The following ADGRE2 variants were observed in gnomAD, a reference collection of about 807,000 sequenced individuals.
ADGRE2 encodes adhesion G protein-coupled receptor E2, also known as CD97 antigen.
Under a neutral mutation model 100.8 loss-of-function variants are expected in ADGRE2, and 83 were observed. That is an observed-to-expected ratio of 0.82 (90% CI 0.69 to 0.99). The LOEUF is 0.99. ADGRE2 is among the 50% of genes least tolerant of loss of function. ADGRE2 has a pLI of 0.00. For missense variants in ADGRE2, 814 were observed against 1,035.7 expected (o/e 0.79, Z 2.94); for synonymous variants, 355 against 413.0 (o/e 0.86, Z 1.70).
At chr19:14,755,608 C>G in intron 13 of ADGRE2, 46 bp downstream of exon 13, 1 of 1,547,606 alleles carries the variant, frequency 6.5e-7, no homozygotes, top group East Asian at 2.2e-5. Context: ...AAGGCTATGC[C>G]CGGACTCAGA....
At position 14,758,512 on chromosome 19, in the gene ADGRE2, G is replaced by T. The variant is rs2043578807; in HGVS notation, c.1085-2167C>A. Among the ~76,000 whole-genome samples the T allele has an allele frequency of 2.0e-5, 3 of 152,312 alleles. 1 individual carries two copies. In the Middle Eastern group the frequency reaches 0.01, roughly 518 times the overall value. ...GTGGTGTAAATACCCAAGTTTCACT[G>T]TTTCACACCAGGGAAATTGAGGATG... is the stretch of plus-strand genomic sequence containing the variant. On this transcript the variant is annotated intron_variant, in intron 11 of 20. Coordinates refer to ENST00000315576, the MANE Select transcript of ADGRE2 (RefSeq NM_013447.4).
chr19:14,771,273 C>T (rs1054052944), intron 5 of ADGRE2, among the ~76,000 whole-genome samples: 1 of 152,168 alleles, frequency 6.6e-6, no homozygotes, highest in Non-Finnish European at 1.5e-5. Flanking sequence ...CCCTGGGACC[C>T]TTGGCTCAGC....
chr19:14,752,081 G>A (rs2043314108), intron 15 of ADGRE2, among the ~76,000 whole-genome samples: 1 of 151,742 alleles, frequency 6.6e-6, no homozygotes, highest in African/African-American at 2.4e-5. Flanking sequence ...TTACAGGTAT[G>A]CGCCACCATG....
intron 4 of ADGRE2, among the ~76,000 whole-genome samples, chr19:14,773,080 C>CCAAAA (rs1249410615): frequency 2.2e-5 from 1 of 45,846 alleles, no homozygotes; most frequent in African/African-American, 1.0e-4. Context: ...GACTCCATCT[C>CCAAAA]AAAAAAAAAA....
the ADGRE2 span, among the ~76,000 whole-genome samples, chr19:14,727,380 AC>A: frequency 6.6e-6 from 1 of 152,168 alleles, no homozygotes; most frequent in African/African-American, 2.4e-5. Context: ...CAAACATGGT[AC>A]CAACATCTGC....
At chr19:14,762,624 T>TTGTTA (rs1421774904) in intron 11 of ADGRE2, among the ~76,000 whole-genome samples, 1 of 35,486 alleles carries the variant, frequency 2.8e-5, no homozygotes, top group Non-Finnish European at 5.0e-5. Context: ...TTAAAATTTT[T>TTGTTA]TCTTATTTTT....
At chr19:14,777,154 G>C (rs1371106847) in intron 1 of ADGRE2, 1 of 954,128 alleles carries the variant, frequency 1.0e-6, no homozygotes, top group Non-Finnish European at 1.2e-6. Context: ...TGTGGCAGCC[G>C]GGCGGGGCGG....
chr19:14,743,374 A>G (rs1442017744), intron 20 of ADGRE2, 46 bp downstream of exon 20: 2 of 1,483,504 alleles, frequency 1.3e-6, no homozygotes, highest in African/African-American at 2.8e-5. Context: ...CATGCTCCTC[A>G]GGTGGGTCGG....
At chr19:14,743,915 A>G in intron 18 of ADGRE2, 131 bp from the exon 19 acceptor site, 1 of 858,484 alleles carries the variant, frequency 1.2e-6, no homozygotes, top group Non-Finnish European at 1.8e-6. Flanking sequence ...GTCAGCTTAG[A>G]TATTTACTGT....
chr19:14,730,887 C>T (rs1262474751), downstream of ADGRE2, among the ~76,000 whole-genome samples: 1 of 151,888 alleles, frequency 6.6e-6, no homozygotes, highest in Non-Finnish European at 1.5e-5. Context: ...TTAGCTCTCT[C>T]TTACAGGTGA....
the ADGRE2 span, among the ~76,000 whole-genome samples, chr19:14,724,240 A>T: frequency 1.3e-5 from 2 of 152,204 alleles, no homozygotes; most frequent in Non-Finnish European, 2.9e-5. Context: ...GAATGAGAAG[A>T]GCTAGGTCTG....
chr19:14,753,336 G>T (rs948791736), intron 14 of ADGRE2, among the ~76,000 whole-genome samples: 1 of 152,072 alleles, frequency 6.6e-6, no homozygotes, highest in Non-Finnish European at 1.5e-5. Flanking sequence ...TTACAGGCTG[G>T]GGTAATTACA....
rs2043105908 is a variant in ADGRE2 at position 14,746,775 on chromosome 19, G to T, written c.2091+121C>A. 2.5e-5 allele frequency: 22 copies of T among 865,172 alleles called. No homozygotes were observed. The East Asian group carries it at 5.8e-4, about 23-fold the overall frequency. The allele number at this position is 865,172 out of a possible 1,614,324, so 53.6% of individuals were successfully genotyped here. On this transcript the variant is annotated intron_variant, in intron 17 of 20. Transcript: ENST00000315576. ...TTTGAAGATTCAAGAGTGGTCTTAG[G>T]AAACCTAACCCAACCCATGACAACC...
chr19:14,728,804 A>G (rs1267922106), downstream of ADGRE2, among the ~76,000 whole-genome samples: 2 of 152,236 alleles, frequency 1.3e-5, no homozygotes, highest in Admixed American at 1.3e-4. Context: ...TTACTTCTGC[A>G]GAAGGGTGCC....
intron 4 of ADGRE2, among the ~76,000 whole-genome samples, chr19:14,773,308 T>TCCTTCCTCCCTC (rs747881544): frequency 2.7e-5 from 4 of 145,650 alleles, no homozygotes; most frequent in African/African-American, 7.7e-5. Flanking sequence ...CTTCCTTCTT[T>TCCTTCCTCCCTC]CCTCCCTCCC....
intron 2 of ADGRE2, among the ~76,000 whole-genome samples, chr19:14,774,612 G>A (rs1369277217): frequency 4.0e-5 from 6 of 149,558 alleles, no homozygotes; most frequent in East Asian, 2.0e-4. Flanking sequence ...AGGCTCAAGC[G>A]ATCCCCCTGC....
intron 11 of ADGRE2, among the ~76,000 whole-genome samples, chr19:14,759,488 C>CATAT (rs147074153): frequency 5.9e-4 from 79 of 133,564 alleles, no homozygotes; most frequent in Middle Eastern, 7.3e-3. Context: ...ATAAGTTATA[C>CATAT]ATATATATAT....
chr19:14,770,758 C>G (rs2044177622), intron 5 of ADGRE2, among the ~76,000 whole-genome samples: 1 of 140,392 alleles, frequency 7.1e-6, no homozygotes, highest in East Asian at 2.4e-4. Context: ...TGGCTCACTG[C>G]AACCTCTGCC....
chr19:14,769,950 G>A (rs762396468), intron 5 of ADGRE2, among the ~76,000 whole-genome samples: 2 of 152,056 alleles, frequency 1.3e-5, no homozygotes, highest in Non-Finnish European at 2.9e-5. Context: ...CGCCCACCTC[G>A]GCCTCCCAAA....
Sources: gnomAD v4.1 joint callset for allele counts (sites outside exome capture counted in the v4.1 genomes callset) on GRCh38, gnomAD v4.1.1 for gene constraint, MANE v1.5 for transcripts, NCBI Gene and HGNC (gene_info 2026-07-23, HGNC 2026-07-21) for gene names.